MLEC: variants seen among roughly 807,000 people sequenced by gnomAD.
MLEC encodes the protein oligosaccharyltransferase complex subunit (non-catalytic).
MLEC carries 7 observed loss-of-function variants against 28.7 expected under a neutral mutation model. The observed-to-expected ratio is 0.24, with a 90% CI of 0.14 to 0.46. The LOEUF is 0.46. MLEC is among the 20% of genes least tolerant of loss of function. The pLI is 0.99. For missense variants in MLEC, 237 were observed against 391.1 expected (o/e 0.61, Z 3.32); for synonymous variants, 142 against 164.4 (o/e 0.86, Z 1.04).
rs1327185282 is a variant in MLEC at position 120,696,540 on chromosome 12, T to A, written c.874T>A (p.Leu292Met). 1 of 1,614,100 alleles carries A rather than the reference T, an allele frequency of 6.2e-7. No homozygotes were observed. Among genetic ancestry groups the A allele is most frequent in the Non-Finnish European group, 8.5e-7 (1 of 1,179,980 alleles). ...FIPTLFCLCR[L>M] ...TCCAACCCTCTTCTGCCTCTGCCGG[T>A]TGTGAGAACAAATGACTATCCTGAA... Residue 292 changes from leucine (L) to methionine (M), a missense_variant, in exon 5 of 5, where the codon TTG becomes ATG. Leu to Met is a conservative substitution (Grantham distance 15). Transcript: ENST00000228506. The surrounding 1 kb of genome is among the most constrained non-coding windows in gnomAD (Gnocchi z 5.4).
At position 120,687,608 on chromosome 12, in the gene MLEC, GA is replaced by G; in HGVS notation, c.235+78del. 8.2e-7 allele frequency: 1 copy of G among 1,223,538 alleles called. No individual in the cohort carries two copies. Among genetic ancestry groups the G allele is most frequent in the Admixed American group, 3.5e-5 (1 of 28,894 alleles). The allele number at this position is 1,223,538 out of a possible 1,614,324, so 75.8% of individuals were successfully genotyped here. ...CAGCCGGCCGGGGGCTGCGGGCCCCGAGCCCCTTTCGACCCTGGGGCCGCGT... is the reference window on the plus strand; with the variant it reads ...CAGCCGGCCGGGGGCTGCGGGCCCCGGCCCCTTTCGACCCTGGGGCCGCGT... On this transcript the variant is annotated intron_variant, in intron 1 of 4. Transcript: ENST00000228506. The surrounding 1 kb of genome is among the most constrained non-coding windows in gnomAD (Gnocchi z 8.1).
Position 120,694,055 on chromosome 12 carries a change from C to G in MLEC, c.236-36C>G. 4 of 1,588,144 alleles carry G rather than the reference C, an allele frequency of 2.5e-6. No individual in the cohort carries two copies. The highest frequency in any genetic ancestry group is 3.4e-6 in the Non-Finnish European group (4 of 1,163,722). On this transcript the variant is annotated intron_variant, in intron 1 of 4. Transcript: ENST00000228506. This position sits in a 1 kb window ranked among gnomAD's most constrained non-coding sequence, Gnocchi z 4.5. ...GTCTTTGCTTTTCTTTTGTGTCTTG[C>G]CTCTGATGTGCTTTCTCTTTGTCTT... is the stretch of plus-strand genomic sequence containing the variant.
Position 120,687,570 on chromosome 12 carries a change from G to A in MLEC, c.235+39G>A. 7.0e-7 allele frequency: 1 copy of A among 1,430,710 alleles called. No homozygotes were observed. The highest frequency in any genetic ancestry group is 9.2e-7 in the Non-Finnish European group (1 of 1,082,520). 88.6% of individuals were successfully genotyped at this position (1,430,710 alleles called of 1,614,324 possible). A position where few individuals can be genotyped will look rare whatever the true frequency, so the allele number is the denominator to read the frequency against. ...TGCCGAGCCGCGGGATCCAGGGCCTGCTGTGCTGGGCGCAGCCGGCCGGGG... is the reference window on the plus strand; with the variant it reads ...TGCCGAGCCGCGGGATCCAGGGCCTACTGTGCTGGGCGCAGCCGGCCGGGG... On this transcript the variant is annotated intron_variant, in intron 1 of 4. Coordinates refer to ENST00000228506, the MANE Select transcript of MLEC (RefSeq NM_014730.4). The surrounding 1 kb of genome is among the most constrained non-coding windows in gnomAD (Gnocchi z 8.1).
At position 120,694,024 on chromosome 12, in the gene MLEC, T is replaced by G; in HGVS notation, c.236-67T>G. The G allele has an allele frequency of 6.8e-7, 1 of 1,476,294 alleles. No individual in the cohort carries two copies. Among genetic ancestry groups the G allele is most frequent in the South Asian group, 1.3e-5 (1 of 79,528 alleles). 91.4% of individuals were successfully genotyped at this position (1,476,294 alleles called of 1,614,324 possible). ...TTGCCCTGGAAATGCCTCTGGCTGT[T>G]CTGGGGTCTTTGCTTTTCTTTTGTG... On this transcript the variant is annotated intron_variant, in intron 1 of 4. Transcript: ENST00000228506. The surrounding 1 kb of genome is among the most constrained non-coding windows in gnomAD (Gnocchi z 4.5).
At chr12:120,695,699 G>T (rs1687198511) in intron 4 of MLEC, among the ~76,000 whole-genome samples, 1 of 152,156 alleles carries the variant, frequency 6.6e-6, no homozygotes. Flanking sequence ...GCTGATTTTT[G>T]CAGAGAAAGC....
Position 120,687,284 on chromosome 12 carries a change from G to C in MLEC, c.-13G>C. The C allele has an allele frequency of 7.3e-7, 1 of 1,376,994 alleles. No individual in the cohort carries two copies. Among genetic ancestry groups the C allele is most frequent in the Non-Finnish European group, 9.3e-7 (1 of 1,071,346 alleles). The allele number at this position is 1,376,994 out of a possible 1,614,324, so 85.3% of individuals were successfully genotyped here. A position where few individuals can be genotyped will look rare whatever the true frequency, so the allele number is the denominator to read the frequency against. On this transcript the variant is annotated 5_prime_UTR_variant, in exon 1 of 5. Transcript: ENST00000228506. This position sits in a 1 kb window ranked among gnomAD's most constrained non-coding sequence, Gnocchi z 8.1. Reference sequence around the variant, plus strand: ...GAGGGTCGGCGGGGGCTGCCCCCGTGGTGGTGGCCGCCATGCTGGGAGCCT... The same window carrying C: ...GAGGGTCGGCGGGGGCTGCCCCCGTCGTGGTGGCCGCCATGCTGGGAGCCT...
At position 120,696,748 on chromosome 12, in the gene MLEC, C is replaced by T. The variant is rs1390292147; in HGVS notation, c.*203C>T. The T allele has an allele frequency of 1.0e-5, 7 of 693,232 alleles. No homozygotes were observed. Among genetic ancestry groups the T allele is most frequent in the South Asian group, 7.9e-5 (4 of 50,788 alleles). The allele number at this position is 693,232 out of a possible 1,614,324, so 42.9% of individuals were successfully genotyped here. A position where few individuals can be genotyped will look rare whatever the true frequency, so the allele number is the denominator to read the frequency against. Reference sequence around the variant, plus strand: ...CTGGTCCCAGACGTGCTTCAGTCCTCGTCCTCTCTTTGTGGCTGGCTCCCA... The same window carrying T: ...CTGGTCCCAGACGTGCTTCAGTCCTTGTCCTCTCTTTGTGGCTGGCTCCCA... On this transcript the variant is annotated 3_prime_UTR_variant, in exon 5 of 5. Transcript: ENST00000228506. The surrounding 1 kb of genome is among the most constrained non-coding windows in gnomAD (Gnocchi z 5.4).
rs1882440560 is a variant in MLEC at position 120,701,342 on chromosome 12, G to T, written c.*4797G>T. On this transcript the variant is annotated 3_prime_UTR_variant, in exon 5 of 5. Coordinates refer to ENST00000228506, the MANE Select transcript of MLEC (RefSeq NM_014730.4). This position sits in a 1 kb window ranked among gnomAD's most constrained non-coding sequence, Gnocchi z 4.0. ...TGTGTTGTGATCCAGGGAATGAAAA[G>T]AAATTTGACCCTGGATTGGTTCTCT... 1.3e-5 allele frequency: 2 copies of T among 152,690 alleles called. No homozygotes were observed. The highest frequency in any genetic ancestry group is 2.1e-4 in the South Asian group (1 of 4,820). 9.5% of individuals were successfully genotyped at this position (152,690 alleles called of 1,614,324 possible).
intron 1 of MLEC, among the ~76,000 whole-genome samples, chr12:120,690,177 A>ATT (rs149099910): frequency 1.3e-5 from 2 of 149,932 alleles, no homozygotes; most frequent in Non-Finnish European, 1.5e-5. Context: ...AAAATTTTTA[A>ATT]TTTTTTTTTT....
intron 1 of MLEC, among the ~76,000 whole-genome samples, chr12:120,693,753 A>G (rs2137417881): frequency 6.6e-6 from 1 of 152,356 alleles, no homozygotes; most frequent in African/African-American, 2.4e-5. Context: ...GGCAGCTGCA[A>G]CACAGCACTT....
At position 120,692,377 on chromosome 12, in the gene MLEC, A is replaced by G. The variant is rs1479078632; in HGVS notation, c.236-1714A>G. Reference sequence around the variant, plus strand: ...CAATGGTTTTTTGAGGCTGGAAAGGAGGGGGAGCATGTTAGCAGTACATCC... The same window carrying G: ...CAATGGTTTTTTGAGGCTGGAAAGGGGGGGGAGCATGTTAGCAGTACATCC... On this transcript the variant is annotated intron_variant, in intron 1 of 4. Transcript: ENST00000228506. Among the ~76,000 whole-genome samples the G allele has an allele frequency of 2.0e-5, 3 of 152,066 alleles. No individual in the cohort carries two copies. The East Asian group carries it at 5.8e-4, about 29-fold the overall frequency.
chr12:120,688,660 G>C (rs1197738366), intron 1 of MLEC, among the ~76,000 whole-genome samples: 1 of 152,204 alleles, frequency 6.6e-6, no homozygotes, highest in Non-Finnish European at 1.5e-5. Flanking sequence ...GCCCAGATTT[G>C]GCTCTTGCTT....
chr12:120,690,630 G>T (rs979333538), intron 1 of MLEC, among the ~76,000 whole-genome samples: 2 of 152,088 alleles, frequency 1.3e-5, no homozygotes, highest in Non-Finnish European at 2.9e-5. Context: ...TAAAAATAGG[G>T]CAGAACATAG....
rs945143020 is a variant in MLEC at position 120,688,106 on chromosome 12, A to G, written c.235+575A>G. On this transcript the variant is annotated intron_variant, in intron 1 of 4. Transcript: ENST00000228506. ...CAGGCCGCCCCCAGAGGGTGGTTCTATCGAAGCCATCCTGCACGTGAGGCT... is the reference window on the plus strand; with the variant it reads ...CAGGCCGCCCCCAGAGGGTGGTTCTGTCGAAGCCATCCTGCACGTGAGGCT... 6.6e-5 allele frequency among the ~76,000 whole-genome samples: 10 copies of G among 152,210 alleles called. No individual in the cohort carries two copies. In the East Asian group the frequency reaches 1.5e-3, roughly 23 times the overall value.
At chr12:120,695,415 A>C in intron 4 of MLEC, among the ~76,000 whole-genome samples, 1 of 152,216 alleles carries the variant, frequency 6.6e-6, no homozygotes. Context: ...AATTGGGATT[A>C]ATAATGGTAC....
At position 120,701,267 on chromosome 12, in the gene MLEC, G is replaced by A. The variant is rs1053556894; in HGVS notation, c.*4722G>A. On this transcript the variant is annotated 3_prime_UTR_variant, in exon 5 of 5. Transcript: ENST00000228506. The surrounding 1 kb of genome is among the most constrained non-coding windows in gnomAD (Gnocchi z 4.0). ...GAAGGGAGAGCCGAGTTGCGAGGTA[G>A]GAGGGGAGCACTGGCAGGGAGAGAC... 1 of 152,440 alleles carries A rather than the reference G, an allele frequency of 6.6e-6. No individual in the cohort carries two copies. Among genetic ancestry groups the A allele is most frequent in the African/African-American group, 2.4e-5 (1 of 41,456 alleles). 9.4% of individuals were successfully genotyped at this position (152,440 alleles called of 1,614,324 possible).
At position 120,691,264 on chromosome 12, in the gene MLEC, AC is replaced by A. The variant is rs143938633; in HGVS notation, c.236-2824del. ...GTGCATATCCTTGCCTGGCTAGCAT[AC>A]CCATGTTTCTGTGTCTCTCTCCGTG... On this transcript the variant is annotated intron_variant, in intron 1 of 4. Transcript: ENST00000228506. Among the ~76,000 whole-genome samples, 707 of 152,318 alleles carry A rather than the reference AC, an allele frequency of 4.6e-3. 6 individuals carry two copies. Among genetic ancestry groups the A allele is most frequent in the African/African-American group, 0.016 (674 of 41,566 alleles).
In MLEC at chr12:120,699,909, T is replaced by A. The variant is rs1375198785; in HGVS notation, c.*3364T>A. 1 of 152,668 alleles carries A rather than the reference T, an allele frequency of 6.6e-6. No individual in the cohort carries two copies. Among genetic ancestry groups the A allele is most frequent in the Non-Finnish European group, 1.5e-5 (1 of 68,054 alleles). The allele number at this position is 152,668 out of a possible 1,614,324, so 9.5% of individuals were successfully genotyped here. ...ACTGTTTGGTCCAGCTTTAGAACTG[T>A]GGTTTTGACTTCCTTATCTCTTGGG... On this transcript the variant is annotated 3_prime_UTR_variant, in exon 5 of 5. Transcript: ENST00000228506.
chr12:120,687,466 A>G lies in MLEC; in HGVS notation c.170A>G (p.Glu57Gly). The change falls in exon 1 of 5, where the codon GAG (glutamate) becomes GGG (glycine). Residue 57 changes from glutamate to glycine, a missense_variant. Physicochemically the swap from Glu to Gly is moderately conservative, Grantham distance 98. Coordinates refer to ENST00000228506, the MANE Select transcript of MLEC (RefSeq NM_014730.4). This position sits in a 1 kb window ranked among gnomAD's most constrained non-coding sequence, Gnocchi z 8.1. ...SVIWAVNAGG[E>G]AHVDVHGIHF... is the part of the protein sequence containing the mutation. ...ATTTGGGCGGTCAACGCGGGTGGAGAGGCGCATGTGGACGTGCACGGGATC... is the reference window on the plus strand; with the variant it reads ...ATTTGGGCGGTCAACGCGGGTGGAGGGGCGCATGTGGACGTGCACGGGATC... 1 of 1,418,148 alleles carries G rather than the reference A, an allele frequency of 7.1e-7. No individual in the cohort carries two copies. 87.8% of individuals were successfully genotyped at this position (1,418,148 alleles called of 1,614,324 possible).
Sources: gnomAD v4.1 joint callset for allele counts (sites outside exome capture counted in the v4.1 genomes callset) on GRCh38, gnomAD v4.1.1 for gene constraint, Gnocchi (gnomAD v3.1) non-coding constraint, MANE v1.5 for transcripts, NCBI Gene and HGNC (gene_info 2026-07-23, HGNC 2026-07-21) for gene names.